Variants in FGF2 observed in about 807,000 individuals in gnomAD.
FGF2 encodes the protein fibroblast growth factor 2.
Under a neutral mutation model 15.9 loss-of-function variants are expected in FGF2, and 13 were observed. That is an observed-to-expected ratio of 0.82 (90% CI 0.53 to 1.30). The LOEUF (loss-of-function observed/expected upper bound fraction) is 1.30, where lower values mean the gene tolerates loss of function less well. FGF2 is among the 50% of genes most tolerant of loss of function. The pLI, the probability that FGF2 is intolerant of heterozygous loss-of-function variation, is 0.00. For synonymous variants in FGF2, 90 were observed against 78.4 expected (o/e 1.15, Z -0.78); for missense variants, 163 against 196.9 (o/e 0.83, Z 1.03).
chr4:122,858,050 TTTTC>T (rs1171524342), intron 1 of FGF2, among the ~76,000 whole-genome samples: 2 of 152,142 alleles, frequency 1.3e-5, no homozygotes, highest in African/African-American at 4.8e-5. Context: ...TTTCTTTAAT[TTTTC>T]TTTCTTTCAT....
In FGF2 at chr4:122,897,399, T is replaced by C. The variant is rs1292142420; in HGVS notation, c.*5003T>C. ...CCAGAAGCAGTCATAAACAGAAGAATAGGTGGTATGTTCCTAATGATATTA... is the reference window on the plus strand; with the variant it reads ...CCAGAAGCAGTCATAAACAGAAGAACAGGTGGTATGTTCCTAATGATATTA... On this transcript the variant is annotated 3_prime_UTR_variant, in exon 3 of 3. Coordinates refer to ENST00000644866, the MANE Select transcript of FGF2 (RefSeq NM_001361665.2). 1.5e-5 allele frequency: 8 copies of C among 531,568 alleles called. No homozygotes were observed. The highest frequency in any genetic ancestry group is 2.7e-5 in the Non-Finnish European group (8 of 297,198). 32.9% of individuals were successfully genotyped at this position (531,568 alleles called of 1,614,324 possible).
At chr4:122,829,877 A>G (rs974985773) in intron 1 of FGF2, among the ~76,000 whole-genome samples, 10 of 152,230 alleles carry the variant, frequency 6.6e-5, no homozygotes, top group African/African-American at 2.4e-4. Flanking sequence ...CACATATTGG[A>G]TGTTTACTGA....
At chr4:122,858,208 C>T (rs1433810525) in intron 1 of FGF2, among the ~76,000 whole-genome samples, 1 of 151,930 alleles carries the variant, frequency 6.6e-6, no homozygotes, top group East Asian at 1.9e-4. Context: ...TTTTGGGCTT[C>T]TGGGATGATA....
At chr4:122,867,446 C>A (rs1415413937) in intron 1 of FGF2, among the ~76,000 whole-genome samples, 1 of 152,138 alleles carries the variant, frequency 6.6e-6, no homozygotes, top group Admixed American at 6.5e-5. Flanking sequence ...CAATTCAAGA[C>A]CAGTAGGCAA....
In FGF2 at chr4:122,892,528, T is replaced by C. The variant is rs1412936181; in HGVS notation, c.*132T>C. The C allele has an allele frequency of 4.6e-6, 7 of 1,508,106 alleles. No homozygotes were observed. The highest frequency in any genetic ancestry group is 6.2e-6 in the Non-Finnish European group (7 of 1,129,762). 93.4% of individuals were successfully genotyped at this position (1,508,106 alleles called of 1,614,324 possible). On this transcript the variant is annotated 3_prime_UTR_variant, in exon 3 of 3. Transcript: ENST00000644866. Reference sequence around the variant, plus strand: ...ATTGGTCAAACAATTTTTTATCCAGTAGTAAAATATGTAACCATTGTCCCA... The same window carrying C: ...ATTGGTCAAACAATTTTTTATCCAGCAGTAAAATATGTAACCATTGTCCCA...
At chr4:122,876,690 T>C (rs143152904) in intron 2 of FGF2, among the ~76,000 whole-genome samples, 1 of 152,348 alleles carries the variant, frequency 6.6e-6, no homozygotes, top group East Asian at 1.9e-4. Flanking sequence ...CTGCTTTTAC[T>C]CTGCAAAACT....
At chr4:122,865,802 GATCTTTAA>G (rs1253860824) in intron 1 of FGF2, among the ~76,000 whole-genome samples, 11 of 152,144 alleles carry the variant, frequency 7.2e-5, no homozygotes, top group African/African-American at 2.7e-4. Context: ...TGGGTGTAGT[GATCTTTAA>G]GTGTCATTTT....
chr4:122,830,827 A>AAAAAAAAC (rs1725749592), intron 1 of FGF2, among the ~76,000 whole-genome samples: 1 of 151,054 alleles, frequency 6.6e-6, no homozygotes, highest in African/African-American at 2.4e-5. Flanking sequence ...AAAAAAAAAA[A>AAAAAAAAC]AAAAAAAAAA....
intron 1 of FGF2, among the ~76,000 whole-genome samples, chr4:122,850,241 A>C (rs967563873): frequency 6.6e-6 from 1 of 151,838 alleles, no homozygotes; most frequent in Non-Finnish European, 1.5e-5. Flanking sequence ...CATCCTGGGC[A>C]ACAAAGTGAG....
At chr4:122,857,598 T>C (rs1042277079) in intron 1 of FGF2, among the ~76,000 whole-genome samples, 6 of 152,244 alleles carry the variant, frequency 3.9e-5, no homozygotes, top group African/African-American at 1.4e-4. Context: ...TTGGGCATTG[T>C]GTTACAGTTG....
intron 1 of FGF2, among the ~76,000 whole-genome samples, chr4:122,847,390 C>A (rs774051523): frequency 6.6e-6 from 1 of 152,208 alleles, no homozygotes; most frequent in East Asian, 1.9e-4. Context: ...ACAGGTGTAT[C>A]TTGGACTGAC....
chr4:122,847,542 G>A (rs775266987), intron 1 of FGF2, among the ~76,000 whole-genome samples: 1 of 152,178 alleles, frequency 6.6e-6, no homozygotes, highest in Non-Finnish European at 1.5e-5. Context: ...CTAGCAACTC[G>A]ATTTTTAGGA....
intron 1 of FGF2, among the ~76,000 whole-genome samples, chr4:122,862,469 CT>C (rs1426938234): frequency 6.6e-6 from 1 of 152,102 alleles, no homozygotes; most frequent in Non-Finnish European, 1.5e-5. Flanking sequence ...AATAATTTGG[CT>C]TTTTGGTCCT....
intron 1 of FGF2, among the ~76,000 whole-genome samples, chr4:122,871,481 C>T (rs183057448): frequency 6.6e-6 from 1 of 151,820 alleles, no homozygotes; most frequent in Admixed American, 6.6e-5. Flanking sequence ...AGAGGCACAC[C>T]CCCTCCACCA....
chr4:122,890,658 TCA>T (rs1727148779), intron 2 of FGF2, among the ~76,000 whole-genome samples: 1 of 152,190 alleles, frequency 6.6e-6, no homozygotes, highest in African/African-American at 2.4e-5. Context: ...TATGTTTTTG[TCA>T]CAGTTTGTGC....
intron 2 of FGF2, among the ~76,000 whole-genome samples, chr4:122,891,643 C>T (rs1157491295): frequency 1.3e-5 from 2 of 152,044 alleles, no homozygotes; most frequent in Non-Finnish European, 2.9e-5. Context: ...CATTATTATG[C>T]CTTAAAAAAC....
intron 1 of FGF2, among the ~76,000 whole-genome samples, chr4:122,837,759 T>C (rs1725896163): frequency 6.6e-6 from 1 of 152,130 alleles, no homozygotes; most frequent in Admixed American, 6.6e-5. Context: ...AAATTCTGAT[T>C]CTGGGATGGT....
chr4:122,891,188 C>CCGCCAACA (rs1358596096), intron 2 of FGF2, among the ~76,000 whole-genome samples: 2 of 151,064 alleles, frequency 1.3e-5, no homozygotes, highest in East Asian at 3.9e-4. Flanking sequence ...CTACAGGCGC[C>CCGCCAACA]CGCCAACACG....
chr4:122,883,489 T>G (rs1047465081), intron 2 of FGF2, among the ~76,000 whole-genome samples: 5 of 152,182 alleles, frequency 3.3e-5, no homozygotes, highest in African/African-American at 1.2e-4. Context: ...AAAGCCTGTA[T>G]TTGGAAGCTG....
Sources: gnomAD v4.1 joint callset for allele counts (sites outside exome capture counted in the v4.1 genomes callset) on GRCh38, gnomAD v4.1.1 for gene constraint, MANE v1.5 for transcripts, NCBI Gene and HGNC (gene_info 2026-07-23, HGNC 2026-07-21) for gene names.